TAF4B: variants seen among roughly 807,000 people sequenced by gnomAD.
TAF4B encodes transcription initiation factor TFIID subunit 4B.
TAF4B carries 38 observed loss-of-function variants against 86.4 expected under a neutral mutation model. The ratio of observed to expected loss-of-function variants is 0.44; its 90% CI spans 0.34 to 0.58. The LOEUF (loss-of-function observed/expected upper bound fraction) is 0.58. Among genes scored for constraint, TAF4B ranks in the 20% least tolerant of loss-of-function variants. The pLI is 0.02. For synonymous variants in TAF4B, 388 were observed against 391.2 expected (o/e 0.99, Z 0.10); for missense variants, 988 against 1,027.6 (o/e 0.96, Z 0.53).
intron 9 of TAF4B, among the ~76,000 whole-genome samples, chr18:26,293,838 C>T (rs753502736): frequency 7.2e-5 from 11 of 152,150 alleles, no homozygotes; most frequent in Non-Finnish European, 1.2e-4. Flanking sequence ...ACTGTTCTTA[C>T]GTCCATCACG....
chr18:26,347,090 T>G (rs2144718976), intron 13 of TAF4B, among the ~76,000 whole-genome samples: 1 of 149,726 alleles, frequency 6.7e-6, no homozygotes, highest in Admixed American at 6.7e-5. Context: ...CCAGCTAATG[T>G]TTTGTATTTT....
In TAF4B at chr18:26,292,313, C is replaced by G; in HGVS notation, c.1658C>G (p.Thr553Ser). 6.2e-7 allele frequency: 1 copy of G among 1,614,092 alleles called. No homozygotes were observed. The highest frequency in any genetic ancestry group is 1.7e-5 in the Admixed American group (1 of 60,026). Residue 553 changes from threonine to serine, a missense_variant, in exon 8 of 15, where the codon ACC becomes AGC. This residue lies in a region of TAF4B where 747 missense variants were observed against 737.9 expected (regional missense o/e 1.01). Transcript: ENST00000269142. ...ACAATTTCACATTCCTCAACATTGA[C>G]CATTCAGAAATGTGGACAGAAGACG... Reference protein sequence around the residue: ...VTTISHSSTLTIQKCGQKTMP... With the variant: ...VTTISHSSTLSIQKCGQKTMP...
intron 1 of TAF4B, among the ~76,000 whole-genome samples, chr18:26,261,989 G>T (rs747541977): frequency 6.6e-6 from 1 of 152,142 alleles, no homozygotes; most frequent in African/African-American, 2.4e-5. Context: ...CTGGGTGTGG[G>T]CAGTACTCAG....
intron 2 of TAF4B, chr18:26,266,841 G>C (rs567121678): frequency 6.6e-6 from 1 of 151,688 alleles, no homozygotes; most frequent in African/African-American, 2.4e-5. Flanking sequence ...CAGTCTGGGC[G>C]ACAGAGCGAG....
intron 7 of TAF4B, among the ~76,000 whole-genome samples, chr18:26,291,039 TA>T (rs1266573120): frequency 6.6e-6 from 1 of 152,200 alleles, no homozygotes; most frequent in Non-Finnish European, 1.5e-5. Context: ...ATTTCTTCTC[TA>T]GGGGCATTAG....
At chr18:26,378,606 A>G (rs192416287) in intron 14 of TAF4B, among the ~76,000 whole-genome samples, 44 of 152,320 alleles carry the variant, frequency 2.9e-4, no homozygotes, top group African/African-American at 9.9e-4. Flanking sequence ...TTGAGGTATA[A>G]TTTATATACA....
At chr18:26,243,185 A>G (rs957186103) in intron 1 of TAF4B, among the ~76,000 whole-genome samples, 1 of 152,166 alleles carries the variant, frequency 6.6e-6, no homozygotes, top group Non-Finnish European at 1.5e-5. Flanking sequence ...GTGTTTTCCA[A>G]CTTGGTTCCA....
chr18:26,363,992 C>T (rs774602413), intron 14 of TAF4B, among the ~76,000 whole-genome samples: 3 of 152,098 alleles, frequency 2.0e-5, no homozygotes, highest in Admixed American at 6.5e-5. Context: ...CTTTAACATT[C>T]GAAGATTACC....
intron 13 of TAF4B, among the ~76,000 whole-genome samples, chr18:26,356,479 G>A (rs564579043): frequency 3.3e-5 from 5 of 152,118 alleles, no homozygotes; most frequent in Admixed American, 1.3e-4. Context: ...AAGACTGACC[G>A]TTTCACCACA....
chr18:26,329,162 A>G lies in TAF4B; in HGVS notation c.2259+2022A>G, dbSNP rs115448621. 7.8e-3 allele frequency among the ~76,000 whole-genome samples: 1,190 copies of G among 152,128 alleles called. 15 individuals carry two copies. The highest frequency in any genetic ancestry group is 0.027 in the African/African-American group (1,125 of 41,478). The stretch of plus-strand genomic sequence containing the variant: ...AGCCTTCACCTCTCAGGCTCAAGCA[A>G]TCCTCCCACCTCAGCTTCTTAAGTA... On this transcript the variant is annotated intron_variant, in intron 12 of 14. Coordinates refer to ENST00000269142, the MANE Select transcript of TAF4B (RefSeq NM_005640.3).
intron 5 of TAF4B, among the ~76,000 whole-genome samples, chr18:26,275,316 C>T (rs978430244): frequency 3.3e-5 from 5 of 151,944 alleles, no homozygotes; most frequent in African/African-American, 7.3e-5. Flanking sequence ...TCACCACGCT[C>T]GGCTAATTTT....
At chr18:26,274,298 T>C (rs1231110115) in intron 3 of TAF4B, among the ~76,000 whole-genome samples, 1 of 152,212 alleles carries the variant, frequency 6.6e-6, no homozygotes, top group Non-Finnish European at 1.5e-5. Flanking sequence ...AGATACTTCT[T>C]GGAGTATTAA....
chr18:26,389,260 A>G (rs977234474), intron 14 of TAF4B, among the ~76,000 whole-genome samples: 1 of 152,224 alleles, frequency 6.6e-6, no homozygotes, highest in African/African-American at 2.4e-5. Flanking sequence ...TTTGTATGAT[A>G]GAAAAGAGAT....
chr18:26,315,159 TCTCACA>T lies in TAF4B; in HGVS notation c.1833-68_1833-63del, dbSNP rs1288750141. ...CTCTCTCTCTCTGTCTCTCTCTCTCTCTCACACACACACACACACACACACACACAC... is the reference window on the plus strand; with the variant it reads ...CTCTCTCTCTCTGTCTCTCTCTCTCTCACACACACACACACACACACACAC... On this transcript the variant is annotated intron_variant, in intron 9 of 14. Transcript: ENST00000269142. The T allele has an allele frequency of 1.9e-3, 571 of 301,394 alleles. 16 individuals are homozygous for T. The highest frequency in any genetic ancestry group is 2.2e-3 in the Non-Finnish European group (444 of 200,916). 18.7% of individuals were successfully genotyped at this position (301,394 alleles called of 1,614,324 possible).
At chr18:26,241,839 T>C (rs2055844416) in intron 1 of TAF4B, among the ~76,000 whole-genome samples, 1 of 152,246 alleles carries the variant, frequency 6.6e-6, no homozygotes, top group African/African-American at 2.4e-5. Context: ...CATTTCGTTA[T>C]GTATCCAGTA....
chr18:26,364,366 G>A (rs1399829228), intron 14 of TAF4B, among the ~76,000 whole-genome samples: 1 of 152,052 alleles, frequency 6.6e-6, no homozygotes, highest in Non-Finnish European at 1.5e-5. Context: ...GTGGTTTGAA[G>A]TTATATATAT....
intron 3 of TAF4B, among the ~76,000 whole-genome samples, chr18:26,273,957 T>C (rs1241139832): frequency 1.3e-5 from 2 of 152,250 alleles, no homozygotes; most frequent in Non-Finnish European, 2.9e-5. Flanking sequence ...CAAACTTTTA[T>C]TATGTTCTGT....
intron 13 of TAF4B, among the ~76,000 whole-genome samples, chr18:26,337,292 C>A (rs1374428852): frequency 2.6e-5 from 4 of 152,278 alleles, no homozygotes; most frequent in Admixed American, 2.6e-4. Context: ...TTGTCATTCT[C>A]CTGCCCCCTA....
intron 9 of TAF4B, among the ~76,000 whole-genome samples, chr18:26,301,294 T>TG (rs773333934): frequency 0.016 from 2,252 of 142,428 alleles, 19 homozygotes; most frequent in Non-Finnish European, 0.021. Flanking sequence ...TTGTTGTTGT[T>TG]TTTTTTTTTT....
Sources: allele counts gnomAD v4.1 joint callset (sites outside exome capture counted in the v4.1 genomes callset), GRCh38; gene constraint gnomAD v4.1.1; regional missense constraint gnomAD v4.1.1; transcripts MANE v1.5; gene names NCBI Gene and HGNC (gene_info 2026-07-23, HGNC 2026-07-21).